Variants in PLCE1 observed in about 807,000 individuals in gnomAD.
The protein encoded by PLCE1 is phospholipase C epsilon 1.
In PLCE1, 119 loss-of-function variants were observed where a neutral mutation model predicts 242.8. The observed-to-expected ratio is 0.49, with a 90% CI of 0.42 to 0.57. The LOEUF is 0.57. PLCE1 is among the 20% of genes least tolerant of loss of function. The probability of loss-of-function intolerance (pLI) is 0.00; values close to 1 mark genes in which losing one functional copy is unlikely to be tolerated. For synonymous variants in PLCE1, 945 were observed against 1,017.4 expected, an observed-to-expected ratio of 0.93 and a Z score of 1.35; for missense variants, 2,441 against 2,788.8, an observed-to-expected ratio of 0.88 and a Z score of 2.81.
At chr10:94,265,376 C>T (rs1382332188) in intron 14 of PLCE1, among the ~76,000 whole-genome samples, 2 of 152,204 alleles carry the variant, frequency 1.3e-5, no homozygotes, top group African/African-American at 4.8e-5. Context: ...TAAACTGATA[C>T]ACTTTGTTTT....
At position 94,084,832 on chromosome 10, in the gene PLCE1, C is replaced by T. The variant is rs150667912; in HGVS notation, c.1207-47342C>T. ...AGCTAAATGCAGTGACCAGCAATTG[C>T]GGCTTCCTTCAAACAAGTCAGGTCT... On this transcript the variant is annotated intron_variant, in intron 2 of 32. Coordinates refer to ENST00000371380, the MANE Select transcript of PLCE1 (RefSeq NM_016341.4). Among the ~76,000 whole-genome samples the T allele has an allele frequency of 1.3e-3, 205 of 152,268 alleles. 1 individual carries two copies. Among genetic ancestry groups the T allele is most frequent in the African/African-American group, 4.2e-3 (173 of 41,542 alleles).
At chr10:94,293,247 A>G (rs1296122778) in intron 22 of PLCE1, among the ~76,000 whole-genome samples, 2 of 152,192 alleles carry the variant, frequency 1.3e-5, no homozygotes, top group Non-Finnish European at 2.9e-5. Flanking sequence ...CTGATGCACA[A>G]TCAGCTAAGT....
chr10:94,327,991 T>TAAAG lies in PLCE1; in HGVS notation c.*50_*53dup. On this transcript the variant is annotated 3_prime_UTR_variant, in exon 33 of 33. Transcript: ENST00000371380. ...AGGTGAAGATCTTTAAGCAAGAAGT[T>TAAAG]AAAGAGTGAACATGGTGGAAAAAAT... 1.9e-6 allele frequency: 1 copy of TAAAG among 532,554 alleles called. No individual in the cohort carries two copies. Among genetic ancestry groups the TAAAG allele is most frequent in the South Asian group, 1.4e-5 (1 of 71,330 alleles). The allele number at this position is 532,554 out of a possible 1,614,324, so 33.0% of individuals were successfully genotyped here.
chr10:94,008,401 C>G (rs1394593550), intron 1 of PLCE1, among the ~76,000 whole-genome samples: 1 of 152,096 alleles, frequency 6.6e-6, no homozygotes, highest in African/African-American at 2.4e-5. Context: ...CTCCACCTCC[C>G]TGGTTCAAGC....
In PLCE1 at chr10:94,140,205, G is replaced by A. The variant is rs114327916; in HGVS notation, c.1492+7746G>A. Among the ~76,000 whole-genome samples the A allele has an allele frequency of 4.0e-3, 606 of 152,078 alleles. 8 individuals carry two copies. The highest frequency in any genetic ancestry group is 0.014 in the African/African-American group (575 of 41,470). On this transcript the variant is annotated intron_variant, in intron 3 of 32. Coordinates refer to ENST00000371380, the MANE Select transcript of PLCE1 (RefSeq NM_016341.4). ...TCAGCTATAAATAGAATATTGATAT[G>A]AAAACAAAAATACCTTACAGATACA...
intron 14 of PLCE1, among the ~76,000 whole-genome samples, chr10:94,263,414 T>C (rs1589439164): frequency 6.8e-6 from 1 of 146,366 alleles, no homozygotes; most frequent in Non-Finnish European, 1.5e-5. Context: ...CCTGGGAGAG[T>C]GGAGCAGGAG....
intron 2 of PLCE1, among the ~76,000 whole-genome samples, chr10:94,053,012 A>G (rs371117675): frequency 2.0e-5 from 3 of 152,174 alleles, no homozygotes; most frequent in African/African-American, 4.8e-5. Flanking sequence ...ACTGAACCTG[A>G]AGCGTACTGT....
intron 6 of PLCE1, 157 bp from the exon 7 acceptor site, chr10:94,235,758 G>A: frequency 2.0e-6 from 2 of 981,218 alleles, no homozygotes; most frequent in Non-Finnish European, 1.2e-6. Context: ...TTCATGTGGT[G>A]AAATGAAAAA....
chr10:94,230,471 C>T (rs751058238), intron 5 of PLCE1, among the ~76,000 whole-genome samples: 4 of 151,426 alleles, frequency 2.6e-5, no homozygotes, highest in African/African-American at 7.3e-5. Flanking sequence ...ATTACAGGCA[C>T]GCCACCATGC....
intron 4 of PLCE1, among the ~76,000 whole-genome samples, chr10:94,215,306 T>G (rs561918344): frequency 1.3e-5 from 2 of 152,210 alleles, no homozygotes; most frequent in Admixed American, 1.3e-4. Flanking sequence ...CAATGTATTA[T>G]GCATAACTCA....
intron 2 of PLCE1, among the ~76,000 whole-genome samples, chr10:94,101,963 G>A (rs540837782): frequency 7.2e-4 from 110 of 152,270 alleles, no homozygotes; most frequent in African/African-American, 2.6e-3. Flanking sequence ...AGAACCACTC[G>A]GATGAGTGGG....
chr10:94,036,575 C>T (rs367710568), intron 2 of PLCE1, among the ~76,000 whole-genome samples: 2 of 152,118 alleles, frequency 1.3e-5, no homozygotes, highest in African/African-American at 2.4e-5. Context: ...TCCTCCTTCT[C>T]CTCCTCATAA....
In PLCE1 at chr10:93,994,065, ACCT is replaced by A. The variant is rs2060771607; in HGVS notation, c.-555_-553del. Among the ~76,000 whole-genome samples, 1 of 105,864 alleles carries A rather than the reference ACCT, an allele frequency of 9.4e-6. No individual in the cohort carries two copies. 69.5% of individuals were successfully genotyped at this position (105,864 alleles called of 152,430 possible). A position where few individuals can be genotyped will look rare whatever the true frequency, so the allele number is the denominator to read the frequency against. ...GGCAGCGGCGGCGCGCCCGGGCTCT[ACCT>A]CCCGGGCTCTGCCTCCCGGGCTCTG... is the stretch of plus-strand genomic sequence containing the variant. On this transcript the variant is annotated 5_prime_UTR_variant, in exon 1 of 33. Coordinates refer to ENST00000371380, the MANE Select transcript of PLCE1 (RefSeq NM_016341.4).
At chr10:94,276,037 G>A (rs1858609) in intron 19 of PLCE1, among the ~76,000 whole-genome samples, 2,600 of 152,008 alleles carry the variant, frequency 0.017, 77 homozygotes, top group African/African-American at 0.059. Flanking sequence ...ATATTATTAC[G>A]TCCTACAAAG....
At chr10:94,216,133 C>T (rs1050563503) in intron 4 of PLCE1, among the ~76,000 whole-genome samples, 14 of 152,194 alleles carry the variant, frequency 9.2e-5, no homozygotes, top group Admixed American at 5.9e-4. Context: ...ACCTCATAGG[C>T]TTGTTGTAGG....
chr10:94,120,213 GC>G (rs1439540820), intron 2 of PLCE1, among the ~76,000 whole-genome samples: 1 of 152,144 alleles, frequency 6.6e-6, no homozygotes, highest in Non-Finnish European at 1.5e-5. Flanking sequence ...GACAGCTCTA[GC>G]TCCTGGGAAT....
intron 16 of PLCE1, among the ~76,000 whole-genome samples, chr10:94,266,705 C>T (rs932905966): frequency 6.6e-6 from 1 of 152,268 alleles, no homozygotes; most frequent in South Asian, 2.1e-4. Context: ...TGTGTGCACA[C>T]GTGGGTCCAG....
chr10:94,075,575 G>C (rs868494264), intron 2 of PLCE1, among the ~76,000 whole-genome samples: 1 of 152,236 alleles, frequency 6.6e-6, no homozygotes. Flanking sequence ...TTGGGTGAAA[G>C]CATTGGTATC....
chr10:94,045,718 G>A lies in PLCE1; in HGVS notation c.1206+13466G>A, dbSNP rs140191307. 5.0e-3 allele frequency among the ~76,000 whole-genome samples: 763 copies of A among 152,310 alleles called. 4 individuals are homozygous for A. Among genetic ancestry groups the A allele is most frequent in the Middle Eastern group, 0.024 (7 of 294 alleles). The stretch of plus-strand genomic sequence containing the variant: ...CTGGGATGCATACATTCCTGAAACA[G>A]AGCACCAGCCCTGGAAGAGTTCATG... On this transcript the variant is annotated intron_variant, in intron 2 of 32. Transcript: ENST00000371380.
Sources: allele counts gnomAD v4.1 joint callset (sites outside exome capture counted in the v4.1 genomes callset), GRCh38; gene constraint gnomAD v4.1.1; transcripts MANE v1.5; gene names NCBI Gene and HGNC (gene_info 2026-07-23, HGNC 2026-07-21).